Variants in FARS2 observed in about 807,000 individuals in gnomAD.
FARS2 encodes the protein phenylalanine--tRNA ligase, mitochondrial.
Under a neutral mutation model 46.4 loss-of-function variants are expected in FARS2, and 40 were observed. The observed-to-expected ratio is 0.86, with a 90% CI of 0.67 to 1.12. FARS2 has a LOEUF of 1.12. FARS2 is among the 50% of genes most tolerant of loss of function. The pLI is 0.00. For synonymous variants in FARS2, 234 were observed against 214.9 expected (o/e 1.09, Z -0.78); for missense variants, 513 against 567.9 (o/e 0.90, Z 0.98).
intron 4 of FARS2, among the ~76,000 whole-genome samples, chr6:5,512,361 A>G (rs1036369078): frequency 6.6e-6 from 1 of 152,102 alleles, no homozygotes; most frequent in African/African-American, 2.4e-5. Context: ...ATAGCAGCCA[A>G]ATTAAAAACA....
upstream of FARS2, chr6:5,260,519 G>T (rs990094468): frequency 7.9e-7 from 1 of 1,273,520 alleles, no homozygotes; most frequent in Non-Finnish European, 1.1e-6. Context: ...GGCGGAGCCC[G>T]GTCCTTGCCT....
chr6:5,714,697 G>C (rs986232994), intron 6 of FARS2, among the ~76,000 whole-genome samples: 1 of 152,182 alleles, frequency 6.6e-6, no homozygotes, highest in South Asian at 2.1e-4. Context: ...ACTCCTGAAG[G>C]AGCTGACCCA....
At chr6:5,596,620 T>C (rs999312714) in intron 5 of FARS2, among the ~76,000 whole-genome samples, 2 of 152,236 alleles carry the variant, frequency 1.3e-5, no homozygotes, top group Admixed American at 6.5e-5. Context: ...ATTTATTTGA[T>C]GGAACACTAA....
At chr6:5,341,025 G>A (rs907893814) in intron 1 of FARS2, among the ~76,000 whole-genome samples, 1 of 150,736 alleles carries the variant, frequency 6.6e-6, no homozygotes, top group African/African-American at 2.4e-5. Context: ...ACGTGCGCCT[G>A]TAATCCCAGC....
At chr6:5,402,067 T>C (rs1023568959) in intron 2 of FARS2, among the ~76,000 whole-genome samples, 1 of 152,104 alleles carries the variant, frequency 6.6e-6, no homozygotes, top group Non-Finnish European at 1.5e-5. Flanking sequence ...GTTCCATTTC[T>C]ACCACTTTCT....
At chr6:5,557,344 T>C (rs1046683024) in intron 5 of FARS2, among the ~76,000 whole-genome samples, 1 of 152,114 alleles carries the variant, frequency 6.6e-6, no homozygotes, top group African/African-American at 2.4e-5. Flanking sequence ...GATTGAAGGA[T>C]GGTGACGGGA....
intron 2 of FARS2, among the ~76,000 whole-genome samples, chr6:5,385,061 T>C (rs924322530): frequency 6.6e-6 from 1 of 152,176 alleles, no homozygotes; most frequent in Admixed American, 6.5e-5. Context: ...GCTGGTTCAA[T>C]ATCAATTAGT....
chr6:5,387,793 T>C (rs1367746850), intron 2 of FARS2, among the ~76,000 whole-genome samples: 1 of 152,236 alleles, frequency 6.6e-6, no homozygotes, highest in Admixed American at 6.5e-5. Flanking sequence ...TTGTCTTCTC[T>C]CACGATAAGA....
At chr6:5,342,118 C>G (rs1298781381) in intron 1 of FARS2, among the ~76,000 whole-genome samples, 1 of 152,202 alleles carries the variant, frequency 6.6e-6, no homozygotes, top group African/African-American at 2.4e-5. Flanking sequence ...ATAATGCTAG[C>G]TATTTATGAG....
chr6:5,761,434 C>T (rs1762470408), intron 6 of FARS2, among the ~76,000 whole-genome samples: 1 of 152,200 alleles, frequency 6.6e-6, no homozygotes, highest in South Asian at 2.1e-4. Flanking sequence ...GCAATGTCCA[C>T]CTCAGCACAG....
chr6:5,641,978 T>A (rs1217170849), intron 6 of FARS2, among the ~76,000 whole-genome samples: 1 of 152,190 alleles, frequency 6.6e-6, no homozygotes, highest in African/African-American at 2.4e-5. Context: ...GACTGTTAAC[T>A]CCTTGAGGGT....
intron 1 of FARS2, among the ~76,000 whole-genome samples, chr6:5,307,530 T>C (rs546548215): frequency 6.6e-6 from 1 of 152,200 alleles, no homozygotes; most frequent in Non-Finnish European, 1.5e-5. Context: ...CGTATCATAT[T>C]GTATATACTG....
chr6:5,471,268 G>A lies in FARS2; in HGVS notation c.904+40096G>A, dbSNP rs1765791583. Among the ~76,000 whole-genome samples, 1 of 152,108 alleles carries A rather than the reference G, an allele frequency of 6.6e-6. No homozygotes were observed. Among genetic ancestry groups the A allele is most frequent in the African/African-American group, 2.4e-5 (1 of 41,404 alleles). ...CTTGCCGAGGCCTTGTTAGTGATCC[G>A]GTGCTAAGCGCCTAAAATAAGTAGA... is the stretch of plus-strand genomic sequence containing the variant. On this transcript the variant is annotated intron_variant, in intron 4 of 6. Coordinates refer to ENST00000274680, the MANE Select transcript of FARS2 (RefSeq NM_006567.5). The surrounding 1 kb of genome is among the most constrained non-coding windows in gnomAD (Gnocchi z 4.1).
At chr6:5,324,577 G>GT (rs1354405401) in intron 1 of FARS2, among the ~76,000 whole-genome samples, 2 of 149,750 alleles carry the variant, frequency 1.3e-5, no homozygotes, top group Non-Finnish European at 3.0e-5. Context: ...CTTCTTGCAA[G>GT]TTTTTGGAAA....
At chr6:5,317,122 G>C (rs1769579315) in intron 1 of FARS2, among the ~76,000 whole-genome samples, 1 of 152,152 alleles carries the variant, frequency 6.6e-6, no homozygotes, top group South Asian at 2.1e-4. Flanking sequence ...GACCAAACAA[G>C]AATACTGCAG....
intron 3 of FARS2, among the ~76,000 whole-genome samples, chr6:5,426,703 G>A (rs1482134527): frequency 5.3e-5 from 8 of 152,092 alleles, no homozygotes; most frequent in African/African-American, 1.4e-4. Flanking sequence ...TTGGCTCACC[G>A]CAACCTCCAC....
chr6:5,767,497 A>G lies in FARS2; in HGVS notation c.1218-3794A>G, dbSNP rs80317108. On this transcript the variant is annotated intron_variant, in intron 6 of 6. Coordinates refer to ENST00000274680, the MANE Select transcript of FARS2 (RefSeq NM_006567.5). The stretch of plus-strand genomic sequence containing the variant: ...TTCCTAGGAGTAGAATTGCTGGATT[A>G]TATGGTAATTCTGTGTTTAACTTTT... Among the ~76,000 whole-genome samples the G allele has an allele frequency of 5.1e-3, 777 of 152,306 alleles. 3 individuals are homozygous for G. The highest frequency in any genetic ancestry group is 8.3e-3 in the Non-Finnish European group (566 of 68,012).
intron 6 of FARS2, among the ~76,000 whole-genome samples, chr6:5,719,450 G>GAGAGAAAGAGAAAC (rs1759741408): frequency 6.7e-6 from 1 of 149,956 alleles, no homozygotes; most frequent in South Asian, 2.1e-4. Context: ...AAGAGAGAAA[G>GAGAGAAAGAGAAAC]AGATAAAGAA....
chr6:5,724,071 G>A (rs1760099955), intron 6 of FARS2, among the ~76,000 whole-genome samples: 1 of 152,236 alleles, frequency 6.6e-6, no homozygotes, highest in Non-Finnish European at 1.5e-5. Context: ...GCCGCTCCAG[G>A]CAAGGGTTTT....
Sources: allele counts gnomAD v4.1 joint callset (sites outside exome capture counted in the v4.1 genomes callset), GRCh38; gene constraint gnomAD v4.1.1; non-coding constraint Gnocchi (gnomAD v3.1); transcripts MANE v1.5; gene names NCBI Gene and HGNC (gene_info 2026-07-23, HGNC 2026-07-21).